The following DDX60 variants were observed in gnomAD, a reference collection of about 807,000 sequenced individuals.
DDX60 encodes the protein probable ATP-dependent RNA helicase DDX60.
A neutral mutation model predicts 212.8 loss-of-function variants in DDX60; 165 were observed. That is an observed-to-expected ratio of 0.78 (90% CI 0.68 to 0.88). The LOEUF (loss-of-function observed/expected upper bound fraction) is 0.88, where lower values mean the gene tolerates loss of function less well. Ranked by LOEUF, DDX60 falls within the 40% of genes least tolerant of loss-of-function variation. The pLI, the probability that DDX60 is intolerant of heterozygous loss-of-function variation, is 0.00. For missense variants in DDX60, 1,905 were observed against 2,003.9 expected, an observed-to-expected ratio of 0.95 and a Z score of 0.94; for synonymous variants, 703 against 685.3, an observed-to-expected ratio of 1.03 and a Z score of -0.40.
chr4:168,220,811 C>T, intron 36 of DDX60, 94 bp from the exon 37 acceptor site: 1 of 642,102 alleles, frequency 1.6e-6, no homozygotes, highest in Non-Finnish European at 2.3e-6. Context: ...TAAGAGGTTG[C>T]TTTTGTCTGT....
At chr4:168,240,499 A>G (rs1733801505) in intron 30 of DDX60, among the ~76,000 whole-genome samples, 1 of 152,242 alleles carries the variant, frequency 6.6e-6, no homozygotes. Flanking sequence ...GAACCAAAAA[A>G]GAGCCCATAC....
In DDX60 at chr4:168,293,859, T is replaced by C. The variant is rs190648382; in HGVS notation, c.810A>G (p.Leu270=). The C allele has an allele frequency of 1.7e-5, 28 of 1,613,788 alleles. No homozygotes were observed. Among genetic ancestry groups the C allele is most frequent in the South Asian group, 4.4e-5 (4 of 91,052 alleles). ...AAAAGCGATGGTACATTCTCAAAGA[T>C]AATGAGCATGAAGTAACACAAAAGA... The part of the protein sequence containing the change: ...RRVFCVTSCS[L]SLRMYHRFLG... Residue 270 remains leucine (L), a synonymous_variant, in exon 7 of 38, where the codon TTA becomes TTG. Transcript: ENST00000393743.
At chr4:168,312,947 T>C (rs1737206895) in intron 1 of DDX60, among the ~76,000 whole-genome samples, 1 of 152,196 alleles carries the variant, frequency 6.6e-6, no homozygotes, top group South Asian at 2.1e-4. Context: ...GTATGGTCTC[T>C]CACTCACTCA....
upstream of DDX60, among the ~76,000 whole-genome samples, chr4:168,323,621 G>C (rs770465487): frequency 1.3e-5 from 2 of 152,174 alleles, no homozygotes; most frequent in Non-Finnish European, 2.9e-5. Context: ...CTCCAAAGGG[G>C]ATAAGAAATG....
intron 8 of DDX60, among the ~76,000 whole-genome samples, 192 bp from the exon 9 acceptor site, chr4:168,288,507 T>G (rs1224213172): frequency 6.6e-6 from 1 of 152,164 alleles, no homozygotes; most frequent in Non-Finnish European, 1.5e-5. Context: ...AAATAAAAAC[T>G]GATCCAAAAA....
rs1248516979 is a variant in DDX60 at position 168,276,108 on chromosome 4, T to C, written c.2052A>G (p.Ser684=). Residue 684 remains serine (S), a synonymous_variant, in exon 15 of 38, where the codon TCA becomes TCG. Coordinates refer to ENST00000393743, the MANE Select transcript of DDX60 (RefSeq NM_017631.6). ...KRIHSLMEKY[S]ELLQEDDRQL... is the part of the protein sequence containing the mutation. ...GCCGATCATCTTCTTGTAAAAGTTC[T>C]GAGTATTTTTCCATCAAGGAGTGGA... is the stretch of plus-strand genomic sequence containing the variant. 1.2e-6 allele frequency: 2 copies of C among 1,613,738 alleles called. No individual in the cohort carries two copies. Among genetic ancestry groups the C allele is most frequent in the East Asian group, 4.5e-5 (2 of 44,810 alleles).
Position 168,296,874 on chromosome 4 carries a change from C to CTT in DDX60, c.724-2931_724-2930dup, listed in dbSNP as rs35177897. 8.2e-3 allele frequency among the ~76,000 whole-genome samples: 1,108 copies of CTT among 134,784 alleles called. 23 individuals are homozygous for CTT. The highest frequency in any genetic ancestry group is 0.031 in the South Asian group (131 of 4,216). 88.4% of individuals were successfully genotyped at this position (134,784 alleles called of 152,430 possible). On this transcript the variant is annotated intron_variant, in intron 6 of 37. Coordinates refer to ENST00000393743, the MANE Select transcript of DDX60 (RefSeq NM_017631.6). The stretch of plus-strand genomic sequence containing the variant: ...AGCATTCGAACATACAAAAAGTGAT[C>CTT]TTTTTTTTTTTTTTTTTGAGGCGGA...
upstream of DDX60, among the ~76,000 whole-genome samples, chr4:168,322,333 G>A (rs1024996071): frequency 2.0e-5 from 3 of 152,138 alleles, no homozygotes; most frequent in African/African-American, 7.2e-5. Flanking sequence ...GGGAGCCATT[G>A]TTGCATCCTC....
chr4:168,303,515 T>C (rs1250440246), intron 5 of DDX60, among the ~76,000 whole-genome samples: 1 of 152,144 alleles, frequency 6.6e-6, no homozygotes, highest in African/African-American at 2.4e-5. Context: ...CATAACAATG[T>C]TTCTTTCAGC....
chr4:168,231,441 T>C (rs188138385), intron 33 of DDX60, among the ~76,000 whole-genome samples: 50 of 150,606 alleles, frequency 3.3e-4, no homozygotes, highest in African/African-American at 1.2e-3. Flanking sequence ...ATATCTCTGA[T>C]GAACATAAAC....
chr4:168,307,268 A>G (rs1307351266), intron 4 of DDX60, among the ~76,000 whole-genome samples: 3 of 152,202 alleles, frequency 2.0e-5, no homozygotes, highest in East Asian at 3.9e-4. Flanking sequence ...CTGCAAAATG[A>G]CTGAAAAGAC....
intron 1 of DDX60, among the ~76,000 whole-genome samples, chr4:168,315,673 GGT>G (rs1737336710): frequency 6.6e-6 from 1 of 152,110 alleles, no homozygotes; most frequent in African/African-American, 2.4e-5. Flanking sequence ...GAGAACATGT[GGT>G]GTTTGGTTTT....
intron 1 of DDX60, among the ~76,000 whole-genome samples, chr4:168,314,172 A>G (rs192437610): frequency 6.6e-6 from 1 of 152,256 alleles, no homozygotes; most frequent in Non-Finnish European, 1.5e-5. Flanking sequence ...TATATACCCT[A>G]TACTAGAGCT....
rs536449374 is a variant in DDX60, at chr4:168,307,453, T to C, written c.264+553A>G. 5.9e-5 allele frequency among the ~76,000 whole-genome samples: 9 copies of C among 152,286 alleles called. No homozygotes were observed. In the South Asian group the frequency reaches 1.9e-3, roughly 32 times the overall value. On this transcript the variant is annotated intron_variant, in intron 4 of 37. Coordinates refer to ENST00000393743, the MANE Select transcript of DDX60 (RefSeq NM_017631.6). ...ACAAACCATCATAAAACATTGATTA[T>C]TATTGTTAGAGACTGGGTCTCACTA...
At chr4:168,262,169 G>GA (rs1352710395) in intron 23 of DDX60, 41 bp from the exon 24 acceptor site, 1 of 1,555,316 alleles carries the variant, frequency 6.4e-7, no homozygotes, top group South Asian at 1.2e-5. Context: ...AATCATGCAA[G>GA]AAAATCCAAA....
In DDX60 at chr4:168,248,373, A is replaced by G; in HGVS notation, c.3859-81T>C. ...TATTTCCTGTCATAAAGTTGCTGAA[A>G]AACTCTTTGAGCTTCAATTAAGCCA... On this transcript the variant is annotated intron_variant, in intron 28 of 37. Coordinates refer to ENST00000393743, the MANE Select transcript of DDX60 (RefSeq NM_017631.6). The G allele has an allele frequency of 2.8e-6, 3 of 1,052,908 alleles. No homozygotes were observed. The South Asian group carries it at 5.4e-5, about 19-fold the overall frequency. 65.2% of individuals were successfully genotyped at this position (1,052,908 alleles called of 1,614,324 possible).
In DDX60 at chr4:168,221,741, G is replaced by A. The variant is rs17053806; in HGVS notation, c.4965C>T (p.Val1655=). The change falls in exon 36 of 38, where the codon GTC becomes GTT. Residue 1655 remains valine, a synonymous_variant. Transcript: ENST00000393743. The stretch of plus-strand genomic sequence containing the variant: ...CAGAGAGGACATACCTGTTATCCTG[G>A]ACTAATCCTATCAAGGAACCATGTT... The part of the protein sequence containing the change: ...FYKHGSLIGL[V]QDNRMNEGDA... 3.1e-6 allele frequency: 5 copies of A among 1,611,982 alleles called. No homozygotes were observed. Among genetic ancestry groups the A allele is most frequent in the African/African-American group, 2.7e-5 (2 of 74,774 alleles).
At chr4:168,260,825 T>C in intron 25 of DDX60, 40 bp downstream of exon 25, 10 of 1,564,540 alleles carry the variant, frequency 6.4e-6, no homozygotes, top group Non-Finnish European at 8.8e-6. Context: ...ATGAGTCTAA[T>C]ACAATTACAA....
chr4:168,322,184 T>G (rs1156773005), upstream of DDX60, among the ~76,000 whole-genome samples: 1 of 152,234 alleles, frequency 6.6e-6, no homozygotes, highest in Non-Finnish European at 1.5e-5. Flanking sequence ...AAAGATAGTT[T>G]GTACAGCCCC....
Sources: allele counts gnomAD v4.1 joint callset (sites outside exome capture counted in the v4.1 genomes callset), GRCh38; gene constraint gnomAD v4.1.1; transcripts MANE v1.5; gene names NCBI Gene and HGNC (gene_info 2026-07-23, HGNC 2026-07-21).